PDILT: variants seen among roughly 807,000 people sequenced by gnomAD.
The protein encoded by PDILT is protein disulfide-isomerase-like protein of the testis.
PDILT carries 43 observed loss-of-function variants against 53.7 expected under a neutral mutation model. That is an observed-to-expected ratio of 0.80 (90% CI 0.63 to 1.03). The LOEUF is 1.03. PDILT is among the 50% of genes least tolerant of loss of function. The pLI is 0.00. For missense variants in PDILT, 727 were observed against 712.3 expected, an observed-to-expected ratio of 1.02 and a Z score of -0.24; for synonymous variants, 282 against 274.2, an observed-to-expected ratio of 1.03 and a Z score of -0.28.
At chr16:20,369,053 C>T (rs1165075796) in intron 8 of PDILT, among the ~76,000 whole-genome samples, 1 of 152,204 alleles carries the variant, frequency 6.6e-6, no homozygotes, top group Non-Finnish European at 1.5e-5. Context: ...CTTTCTAACC[C>T]CATCCAACCA....
intron 2 of PDILT, among the ~76,000 whole-genome samples, chr16:20,395,590 G>A (rs983828906): frequency 2.6e-5 from 4 of 152,198 alleles, no homozygotes; most frequent in Non-Finnish European, 1.5e-5. Flanking sequence ...AACTCTTGGA[G>A]TAAGCCACCT....
chr16:20,396,295 A>G (rs1469894341), intron 2 of PDILT, among the ~76,000 whole-genome samples: 2 of 152,222 alleles, frequency 1.3e-5, no homozygotes, highest in Admixed American at 1.3e-4. Context: ...TCTTGCCTGG[A>G]TCCCAATATA....
chr16:20,397,212 T>C (rs1450466654), intron 2 of PDILT, among the ~76,000 whole-genome samples: 2 of 152,112 alleles, frequency 1.3e-5, no homozygotes, highest in African/African-American at 4.8e-5. Context: ...CACGGGTCGC[T>C]GCAGTCTTGA....
intron 2 of PDILT, among the ~76,000 whole-genome samples, chr16:20,396,317 A>G (rs1966662527): frequency 6.6e-6 from 1 of 152,214 alleles, no homozygotes; most frequent in South Asian, 2.1e-4. Flanking sequence ...GTTACACCAA[A>G]CCTTGATGTT....
chr16:20,376,853 A>T (rs566580908), intron 3 of PDILT, among the ~76,000 whole-genome samples: 1 of 152,334 alleles, frequency 6.6e-6, no homozygotes, highest in East Asian at 1.9e-4. Context: ...GGGAAGACAA[A>T]TTGGTGAGCC....
At chr16:20,365,388 G>A (rs1422205678) in intron 9 of PDILT, 32 bp downstream of exon 9, 16 of 1,609,582 alleles carry the variant, frequency 9.9e-6, no homozygotes, top group South Asian at 3.3e-5. Context: ...TTTGGCACCC[G>A]TTGCCTCAGA....
chr16:20,375,048 G>A (rs182001128), intron 4 of PDILT, 89 bp from the exon 5 acceptor site: 18 of 1,399,274 alleles, frequency 1.3e-5, no homozygotes, highest in African/African-American at 1.0e-4. Context: ...TGGCTGATTC[G>A]TCTCTTCACT....
At position 20,383,139 on chromosome 16, in the gene PDILT, T is replaced by C. The variant is rs56783057; in HGVS notation, c.409+1506A>G. Reference sequence around the variant, plus strand: ...AAGGGGGCTCAGAAGTCAAATGCCTTGGGGACCTTCTCTGCTAGTTTCACC... The same window carrying C: ...AAGGGGGCTCAGAAGTCAAATGCCTCGGGGACCTTCTCTGCTAGTTTCACC... On this transcript the variant is annotated intron_variant, in intron 3 of 11. Transcript: ENST00000302451. Among the ~76,000 whole-genome samples the C allele has an allele frequency of 2.3e-3, 345 of 152,288 alleles. 2 individuals are homozygous for C. Among genetic ancestry groups the C allele is most frequent in the East Asian group, 0.013 (66 of 5,176 alleles).
intron 2 of PDILT, among the ~76,000 whole-genome samples, chr16:20,386,969 TGA>T (rs144984989): frequency 0.013 from 2,041 of 152,318 alleles, 34 homozygotes; most frequent in African/African-American, 0.047. Flanking sequence ...GAAATGGAAG[TGA>T]CAGAGAGAGC....
At position 20,369,432 on chromosome 16, in the gene PDILT, A is replaced by G; in HGVS notation, c.1116+60T>C. On this transcript the variant is annotated intron_variant, in intron 8 of 11. Coordinates refer to ENST00000302451, the MANE Select transcript of PDILT (RefSeq NM_174924.2). ...TGAGGAGAATTATCAAGGCCAACAG[A>G]ATTATGAGAAGGAGATGATTTTGAG... is the stretch of plus-strand genomic sequence containing the variant. 3 of 1,536,296 alleles carry G rather than the reference A, an allele frequency of 2.0e-6. No homozygotes were observed. The Admixed American group carries it at 5.0e-5, about 26-fold the overall frequency.
chr16:20,392,438 G>C (rs1227690991), intron 2 of PDILT, among the ~76,000 whole-genome samples: 1 of 152,156 alleles, frequency 6.6e-6, no homozygotes, highest in Non-Finnish European at 1.5e-5. Context: ...GAGAAAGCTG[G>C]TCACCCATTA....
chr16:20,403,860 CCT>C (rs1038988053), intron 1 of PDILT, among the ~76,000 whole-genome samples: 3 of 152,056 alleles, frequency 2.0e-5, no homozygotes, highest in Non-Finnish European at 4.4e-5. Flanking sequence ...GGGGCCTTTG[CCT>C]CTGTCTGGGG....
chr16:20,400,005 A>T (rs1966709621), intron 1 of PDILT, among the ~76,000 whole-genome samples: 1 of 148,956 alleles, frequency 6.7e-6, no homozygotes, highest in Admixed American at 6.9e-5. Flanking sequence ...CATACCTTTG[A>T]ATATATCTCT....
At chr16:20,360,546 G>C in intron 11 of PDILT, 22 bp downstream of exon 11, 1 of 1,579,422 alleles carries the variant, frequency 6.3e-7, no homozygotes, top group South Asian at 1.1e-5. Flanking sequence ...GAATAATTCA[G>C]AGTATTTCTG....
At chr16:20,393,810 A>T (rs1271439048) in intron 2 of PDILT, among the ~76,000 whole-genome samples, 1 of 152,244 alleles carries the variant, frequency 6.6e-6, no homozygotes, top group Admixed American at 6.5e-5. Flanking sequence ...TTCTCTGACC[A>T]CAAGGAAAAA....
chr16:20,366,110 A>G (rs1402096347), intron 8 of PDILT, among the ~76,000 whole-genome samples: 1 of 151,992 alleles, frequency 6.6e-6, no homozygotes, highest in African/African-American at 2.4e-5. Context: ...AAAAAAAAAA[A>G]AATTAGTTGT....
In PDILT at chr16:20,359,445, C is replaced by G. The variant is rs139010693; in HGVS notation, c.1629G>C (p.Lys543Asn). 1.3e-4 allele frequency: 210 copies of G among 1,614,052 alleles called. No individual in the cohort carries two copies. The highest frequency in any genetic ancestry group is 1.7e-4 in the Non-Finnish European group (196 of 1,180,054). The change falls in exon 12 of 12, where the codon AAG (lysine) becomes AAC (asparagine). Residue 543 changes from lysine to asparagine, a missense_variant. Lys to Asn is a moderately conservative substitution (Grantham distance 94). Coordinates refer to ENST00000302451, the MANE Select transcript of PDILT (RefSeq NM_174924.2). ...QQSPELENMT[K>N]YVSKLEEPAG... ...CGGGCTCTTCCAGCTTGGATACGTA[C>G]TTGGTCATGTTCTCCAGCTCAGGCG...
intron 10 of PDILT, among the ~76,000 whole-genome samples, chr16:20,361,246 C>T (rs1033735925): frequency 7.3e-5 from 10 of 137,038 alleles, no homozygotes; most frequent in Non-Finnish European, 1.2e-4. Context: ...AGTGCAGTGG[C>T]GTGATCTCAG....
intron 7 of PDILT, among the ~76,000 whole-genome samples, chr16:20,370,768 G>T (rs1204215359): frequency 6.6e-6 from 1 of 152,160 alleles, no homozygotes; most frequent in African/African-American, 2.4e-5. Flanking sequence ...ACAGGTTGTA[G>T]TAAAGAAGCC....
Sources: gnomAD v4.1 joint callset for allele counts (sites outside exome capture counted in the v4.1 genomes callset) on GRCh38, gnomAD v4.1.1 for gene constraint, MANE v1.5 for transcripts, NCBI Gene and HGNC (gene_info 2026-07-23, HGNC 2026-07-21) for gene names.